INPP4B: variants seen among roughly 807,000 people sequenced by gnomAD.
INPP4B encodes the protein inositol polyphosphate 4-phosphatase type II.
INPP4B carries 55 observed loss-of-function variants against 122.5 expected under a neutral mutation model. That is an observed-to-expected ratio of 0.45 (90% confidence interval 0.36 to 0.56). The LOEUF is 0.56. INPP4B is among the 20% of genes least tolerant of loss of function. The pLI is 0.00. For synonymous variants in INPP4B, 403 were observed against 388.7 expected (o/e 1.04, Z -0.43); for missense variants, 1,000 against 1,097.7 (o/e 0.91, Z 1.26).
chr4:142,828,981 CT>C (rs979761730), intron 1 of INPP4B, among the ~76,000 whole-genome samples: 4 of 151,066 alleles, frequency 2.6e-5, no homozygotes, highest in Non-Finnish European at 4.4e-5. Context: ...ATCATGACCC[CT>C]GACTTCTGAT....
chr4:142,382,987 T>G (rs1454368705), intron 7 of INPP4B, among the ~76,000 whole-genome samples: 1 of 152,086 alleles, frequency 6.6e-6, no homozygotes. Flanking sequence ...ATTTTTACTA[T>G]AGTCTTATAT....
intron 14 of INPP4B, among the ~76,000 whole-genome samples, chr4:142,196,777 G>A (rs1300187288): frequency 6.6e-6 from 1 of 151,876 alleles, no homozygotes; most frequent in African/African-American, 2.4e-5. Context: ...ACATCTCAAG[G>A]CCATATTTAG....
chr4:142,115,452 C>G (rs1322315149), intron 21 of INPP4B, among the ~76,000 whole-genome samples: 1 of 152,180 alleles, frequency 6.6e-6, no homozygotes, highest in African/African-American at 2.4e-5. Context: ...ATCAGACTAA[C>G]AGCAGATCTC....
At chr4:142,145,692 A>G in intron 18 of INPP4B, 148 bp downstream of exon 18, 1 of 680,196 alleles carries the variant, frequency 1.5e-6, no homozygotes, top group Non-Finnish European at 2.4e-6. Context: ...ATAGCCTTCC[A>G]TCATCCAAGC....
intron 12 of INPP4B, among the ~76,000 whole-genome samples, chr4:142,229,099 T>A (rs1322255393): frequency 6.6e-6 from 1 of 151,588 alleles, no homozygotes; most frequent in Non-Finnish European, 1.5e-5. Context: ...ATACTGAAGA[T>A]GTACACGAAT....
intron 7 of INPP4B, among the ~76,000 whole-genome samples, chr4:142,398,388 AAAAAAAAAAAAAAATATATATATATATAT>A (rs1169769310): frequency 0.014 from 381 of 28,220 alleles, 15 homozygotes; most frequent in South Asian, 0.042. Context: ...AAAAAAAAAA[AAAAAAAAAAAAAAATATATATATATATAT>A]ATATATATAT....
intron 5 of INPP4B, chr4:142,423,959 C>A: frequency 3.2e-6 from 1 of 316,892 alleles, no homozygotes; most frequent in Non-Finnish European, 6.1e-6. Flanking sequence ...GCGGGCCTTT[C>A]TATATGTAGC....
intron 15 of INPP4B, among the ~76,000 whole-genome samples, chr4:142,178,637 T>C (rs1280584428): frequency 1.3e-5 from 2 of 151,908 alleles, no homozygotes; most frequent in Non-Finnish European, 2.9e-5. Flanking sequence ...TGAGAGATGA[T>C]TAACAGGCAA....
chr4:142,072,337 G>A (rs1474063308), intron 25 of INPP4B, among the ~76,000 whole-genome samples: 1 of 152,004 alleles, frequency 6.6e-6, no homozygotes. Flanking sequence ...GGCCTGTCAT[G>A]GGGTGAGGGG....
chr4:142,713,394 A>G (rs867049950), intron 2 of INPP4B, among the ~76,000 whole-genome samples: 3 of 152,172 alleles, frequency 2.0e-5, no homozygotes, highest in African/African-American at 7.2e-5. Context: ...GTTCACCCAG[A>G]AAGAGTCTAC....
intron 5 of INPP4B, among the ~76,000 whole-genome samples, chr4:142,417,471 T>C (rs997092870): frequency 6.6e-6 from 1 of 152,136 alleles, no homozygotes; most frequent in Non-Finnish European, 1.5e-5. Flanking sequence ...AGTGCTTGTG[T>C]GGATCCAATT....
chr4:142,671,131 C>A (rs1416719001), intron 2 of INPP4B, among the ~76,000 whole-genome samples: 14 of 152,012 alleles, frequency 9.2e-5, no homozygotes, highest in Admixed American at 9.2e-4. Context: ...TAGGTAAAAA[C>A]ACCAAAGTTT....
At position 142,028,520 on chromosome 4, in the gene INPP4B, C is replaced by A. The variant is rs2152253183; in HGVS notation, c.*262G>T. ...ATGAATGAAATTTACACTTTGTGAACCAATCTCAATCAGCTAGGCTCAACA... is the reference window on the plus strand; with the variant it reads ...ATGAATGAAATTTACACTTTGTGAAACAATCTCAATCAGCTAGGCTCAACA... On this transcript the variant is annotated 3_prime_UTR_variant, in exon 26 of 26. Transcript: ENST00000262992. 2.4e-6 allele frequency: 1 copy of A among 410,238 alleles called. No individual in the cohort carries two copies. The highest frequency in any genetic ancestry group is 3.8e-5 in the East Asian group (1 of 26,446). The allele number at this position is 410,238 out of a possible 1,614,324, so 25.4% of individuals were successfully genotyped here.
At chr4:142,758,189 T>C (rs1324795459) in intron 1 of INPP4B, among the ~76,000 whole-genome samples, 2 of 152,050 alleles carry the variant, frequency 1.3e-5, no homozygotes, top group East Asian at 1.9e-4. Flanking sequence ...AATCATAGCA[T>C]AGGATGAATA....
At chr4:142,483,044 T>G (rs1820750104) in intron 2 of INPP4B, among the ~76,000 whole-genome samples, 1 of 152,084 alleles carries the variant, frequency 6.6e-6, no homozygotes, top group African/African-American at 2.4e-5. Context: ...GTTTTTGGCT[T>G]CTTCTTTATG....
intron 1 of INPP4B, among the ~76,000 whole-genome samples, chr4:142,735,583 C>T (rs1017006404): frequency 2.0e-5 from 3 of 152,088 alleles, no homozygotes; most frequent in African/African-American, 7.2e-5. Flanking sequence ...CCACAGCCAT[C>T]GAGCAAAAGT....
At chr4:142,415,599 T>G (rs577102768) in intron 5 of INPP4B, among the ~76,000 whole-genome samples, 1 of 151,930 alleles carries the variant, frequency 6.6e-6, no homozygotes, top group Admixed American at 6.6e-5. Context: ...GTGTGGCGAT[T>G]CCTCAGGGAT....
At chr4:142,128,245 CGT>C (rs1799529946) in intron 18 of INPP4B, among the ~76,000 whole-genome samples, 1 of 150,802 alleles carries the variant, frequency 6.6e-6, no homozygotes, top group African/African-American at 2.4e-5. Context: ...CATATATATA[CGT>C]GTGTGCACAC....
chr4:142,682,021 G>A (rs188724675), intron 2 of INPP4B, among the ~76,000 whole-genome samples: 1 of 151,744 alleles, frequency 6.6e-6, no homozygotes, highest in East Asian at 1.9e-4. Flanking sequence ...CCTTTGGGAT[G>A]TTTGTATCCT....
Sources: allele counts gnomAD v4.1 joint callset (sites outside exome capture counted in the v4.1 genomes callset), GRCh38; gene constraint gnomAD v4.1.1; transcripts MANE v1.5; gene names NCBI Gene and HGNC (gene_info 2026-07-23, HGNC 2026-07-21).